The following PHACTR3 variants were observed in gnomAD, a reference collection of about 807,000 sequenced individuals.
The protein encoded by PHACTR3 is phosphatase and actin regulator 3.
PHACTR3 carries 16 observed loss-of-function variants against 66.8 expected under a neutral mutation model. The observed-to-expected ratio is 0.24, with a 90% CI of 0.16 to 0.36. The LOEUF is 0.36. Among genes scored for constraint, PHACTR3 ranks in the 10% least tolerant of loss-of-function variants. The pLI is 1.00. For synonymous variants in PHACTR3, 323 were observed against 292.1 expected (o/e 1.11, Z -1.08); for missense variants, 647 against 719.9 (o/e 0.90, Z 1.16).
chr20:59,829,962 C>T lies in PHACTR3; in HGVS notation c.1329-6543C>T, dbSNP rs1229029252. Among the ~76,000 whole-genome samples, 1 of 152,216 alleles carries T rather than the reference C, an allele frequency of 6.6e-6. No homozygotes were observed. The highest frequency in any genetic ancestry group is 1.5e-5 in the Non-Finnish European group (1 of 68,040). ...TTGGGGAGCTGGAACTATGCTTCTC[C>T]TGACCCCGTGTCCTTCCACTTCCTG... On this transcript the variant is annotated intron_variant, in intron 8 of 12. Transcript: ENST00000371015. This position sits in a 1 kb window ranked among gnomAD's most constrained non-coding sequence, Gnocchi z 4.2.
At chr20:59,624,654 A>C (rs6027006) in intron 1 of PHACTR3, among the ~76,000 whole-genome samples, 5,721 of 152,042 alleles carry the variant, frequency 0.038, 124 homozygotes, top group Middle Eastern at 0.085. Flanking sequence ...GTCTCTGGCA[A>C]CTCGGGTACC....
chr20:59,616,020 A>G (rs2034012716), intron 1 of PHACTR3, among the ~76,000 whole-genome samples: 1 of 152,110 alleles, frequency 6.6e-6, no homozygotes, highest in South Asian at 2.1e-4. Context: ...ATGCCAACAG[A>G]CAAGGTCTGT....
intron 3 of PHACTR3, among the ~76,000 whole-genome samples, chr20:59,752,674 T>C (rs1230728022): frequency 7.0e-6 from 1 of 143,354 alleles, no homozygotes; most frequent in African/African-American, 2.5e-5. Flanking sequence ...AGGTTCTATG[T>C]TCTGACCTTT....
intron 1 of PHACTR3, among the ~76,000 whole-genome samples, chr20:59,640,640 A>C (rs185526738): frequency 1.3e-5 from 2 of 152,348 alleles, no homozygotes; most frequent in African/African-American, 4.8e-5. Context: ...TTGGAAGTCT[A>C]GGTTTCCATG....
At chr20:59,775,224 G>A (rs143467756) in intron 7 of PHACTR3, among the ~76,000 whole-genome samples, 2 of 152,280 alleles carry the variant, frequency 1.3e-5, no homozygotes, top group East Asian at 3.9e-4. Flanking sequence ...CTCCCAGCTG[G>A]TACTGGCTGT....
intron 1 of PHACTR3, among the ~76,000 whole-genome samples, chr20:59,707,562 G>C (rs1034560708): frequency 1.3e-5 from 2 of 150,674 alleles, no homozygotes; most frequent in Admixed American, 6.7e-5. Context: ...TGCCTCCTGG[G>C]TTCAAGTGAT....
At chr20:59,747,566 T>C (rs2146787641) in intron 2 of PHACTR3, among the ~76,000 whole-genome samples, 192 bp from the exon 3 acceptor site, 1 of 152,352 alleles carries the variant, frequency 6.6e-6, no homozygotes, top group East Asian at 1.9e-4. Flanking sequence ...AGCTGTGGTT[T>C]ATGCACATTG....
intron 1 of PHACTR3, among the ~76,000 whole-genome samples, chr20:59,719,164 T>G (rs988134116): frequency 1.3e-5 from 2 of 152,160 alleles, no homozygotes; most frequent in African/African-American, 4.8e-5. Context: ...TCTCTTATTC[T>G]TAGCTTTTTC....
intron 1 of PHACTR3, among the ~76,000 whole-genome samples, chr20:59,644,397 C>T (rs1313654210): frequency 6.6e-6 from 1 of 152,200 alleles, no homozygotes; most frequent in Non-Finnish European, 1.5e-5. Flanking sequence ...GTGACCATGA[C>T]ATTGGTTGTT....
At chr20:59,765,444 G>T (rs1202419949) in intron 4 of PHACTR3, among the ~76,000 whole-genome samples, 2 of 152,164 alleles carry the variant, frequency 1.3e-5, no homozygotes, top group African/African-American at 4.8e-5. Context: ...TGCAGCTGGA[G>T]TATGTGTTGT....
At chr20:59,814,867 G>A (rs180782474) in intron 8 of PHACTR3, among the ~76,000 whole-genome samples, 74 of 152,200 alleles carry the variant, frequency 4.9e-4, no homozygotes, top group Non-Finnish European at 1.9e-4. Context: ...TGGGGCCTCC[G>A]CGGTTGGGCC....
chr20:59,748,527 A>T (rs1009895229), intron 3 of PHACTR3, among the ~76,000 whole-genome samples: 3 of 152,216 alleles, frequency 2.0e-5, no homozygotes, highest in African/African-American at 7.2e-5. Context: ...GCCAGTTATT[A>T]TCACTCATGC....
chr20:59,644,812 G>A (rs190643750), intron 1 of PHACTR3, among the ~76,000 whole-genome samples: 29 of 152,152 alleles, frequency 1.9e-4, no homozygotes, highest in Admixed American at 3.9e-4. Context: ...CTACCTCATC[G>A]CTACTCATTT....
intron 8 of PHACTR3, among the ~76,000 whole-genome samples, chr20:59,823,990 G>C (rs1419457254): frequency 6.6e-6 from 1 of 152,190 alleles, no homozygotes; most frequent in Non-Finnish European, 1.5e-5. Flanking sequence ...AAATCAACAG[G>C]GAGGCCACGA....
chr20:59,596,402 A>G (rs1568923307), intron 1 of PHACTR3, among the ~76,000 whole-genome samples: 1 of 152,202 alleles, frequency 6.6e-6, no homozygotes. Context: ...TTGGCCTCCC[A>G]GAGTGCTGGG....
chr20:59,770,225 C>CGTT (rs2040316365), intron 5 of PHACTR3, among the ~76,000 whole-genome samples: 1 of 152,242 alleles, frequency 6.6e-6, no homozygotes, highest in Admixed American at 6.5e-5. Flanking sequence ...GACACTTATG[C>CGTT]GTTTCCATAG....
Position 59,755,308 on chromosome 20 carries a change from C to T in PHACTR3, c.485C>T (p.Thr162Met), listed in dbSNP as rs145693547. 1.2e-4 allele frequency: 192 copies of T among 1,612,774 alleles called. No homozygotes were observed. Among genetic ancestry groups the T allele is most frequent in the African/African-American group, 6.0e-4 (45 of 75,030 alleles). ...AQPGSPLATG[T>M]DQVSLDKPLS... ...CCCGGAAGCCCCTTGGCCACTGGGACGGACCAGGTCTCCCTGGACAAGCCA... is the reference window on the plus strand; with the variant it reads ...CCCGGAAGCCCCTTGGCCACTGGGATGGACCAGGTCTCCCTGGACAAGCCA... Residue 162 changes from threonine to methionine, a missense_variant, in exon 4 of 13, where the codon ACG (threonine) becomes ATG (methionine). This residue lies in a region of PHACTR3 where 577 missense variants were observed against 571.1 expected (regional missense o/e 1.01). Transcript: ENST00000371015.
chr20:59,845,725 G>A (rs1600767908), intron 12 of PHACTR3, among the ~76,000 whole-genome samples: 1 of 152,026 alleles, frequency 6.6e-6, no homozygotes, highest in African/African-American at 2.4e-5. Context: ...CTGAGTATTT[G>A]TTTCCTCAGT....
At chr20:59,726,614 T>C (rs1446052869) in intron 1 of PHACTR3, among the ~76,000 whole-genome samples, 1 of 152,194 alleles carries the variant, frequency 6.6e-6, no homozygotes, top group Non-Finnish European at 1.5e-5. Context: ...TTTTTGTGTT[T>C]TTCTTTGCAC....
Sources: gnomAD v4.1 joint callset for allele counts (sites outside exome capture counted in the v4.1 genomes callset) on GRCh38, gnomAD v4.1.1 for gene constraint, gnomAD v4.1.1 regional missense constraint, Gnocchi (gnomAD v3.1) non-coding constraint, MANE v1.5 for transcripts, NCBI Gene and HGNC (gene_info 2026-07-23, HGNC 2026-07-21) for gene names.